PCDHGA1: variants seen among roughly 807,000 people sequenced by gnomAD.
The protein encoded by PCDHGA1 is protocadherin gamma subfamily A, 1.
PCDHGA1 carries 32 observed loss-of-function variants against 58.0 expected under a neutral mutation model. The observed-to-expected ratio is 0.55, with a 90% CI of 0.42 to 0.74. The LOEUF (loss-of-function observed/expected upper bound fraction) is 0.74. PCDHGA1 is among the 30% of genes least tolerant of loss of function. The pLI is 0.00. For missense variants in PCDHGA1, 1,205 were observed against 1,182.3 expected (o/e 1.02, Z -0.28); for synonymous variants, 498 against 501.1 (o/e 0.99, Z 0.08).
At position 141,375,343 on chromosome 5, in the gene PCDHGA1, C is replaced by T. The variant is rs114810218; in HGVS notation, c.2421+42238C>T. 5.4e-3 allele frequency: 8,654 copies of T among 1,613,832 alleles called. 30 individuals are homozygous for T. Among genetic ancestry groups the T allele is most frequent in the Non-Finnish European group, 6.4e-3 (7,546 of 1,179,894 alleles). The stretch of plus-strand genomic sequence containing the variant: ...GGGAAGAGGTATTCTTGTACAACAT[C>T]ACTGTGACAGCCACGGACAAAGGAA... On this transcript the variant is annotated intron_variant, in intron 1 of 3. Transcript: ENST00000517417.
At chr5:141,340,624 C>T (rs139317352) in intron 1 of PCDHGA1, 162 of 1,614,118 alleles carry the variant, frequency 1.0e-4, no homozygotes, top group Non-Finnish European at 1.2e-4. Context: ...TAAGCCTGTT[C>T]GTGCTGGACC....
rs1053132512 is a variant in PCDHGA1 at position 141,409,714 on chromosome 5, C to A, written c.2421+76609C>A. The A allele has an allele frequency of 3.7e-6, 6 of 1,613,108 alleles. No individual in the cohort carries two copies. The African/African-American group carries it at 8.0e-5, about 22-fold the overall frequency. On this transcript the variant is annotated intron_variant, in intron 1 of 3. Transcript: ENST00000517417. ...TAGAGCCCCTGGCGGTGTCGTCATACGTGTCAGTGAGCGCGCAGAGCGGGG... is the reference window on the plus strand; with the variant it reads ...TAGAGCCCCTGGCGGTGTCGTCATAAGTGTCAGTGAGCGCGCAGAGCGGGG...
chr5:141,482,530 C>CA (rs3074545), intron 1 of PCDHGA1, among the ~76,000 whole-genome samples: 3,839 of 76,186 alleles, frequency 0.05, 137 homozygotes, highest in East Asian at 0.1. Context: ...GACAGACATG[C>CA]AAAAAAAAAA....
chr5:141,476,070 C>T lies in PCDHGA1; in HGVS notation c.2422-18737C>T. ...CCCGCTGAAAGTTTCTCAGCGAAAT[C>T]TCAGGGACGATCTGGACCCCGCTGA... is the stretch of plus-strand genomic sequence containing the variant. On this transcript the variant is annotated intron_variant, in intron 1 of 3. Transcript: ENST00000517417. This position sits in a 1 kb window ranked among gnomAD's most constrained non-coding sequence, Gnocchi z 7.6. 6.6e-7 allele frequency: 1 copy of T among 1,522,382 alleles called. No individual in the cohort carries two copies. The highest frequency in any genetic ancestry group is 1.3e-5 in the South Asian group (1 of 77,762). 94.3% of individuals were successfully genotyped at this position (1,522,382 alleles called of 1,614,324 possible). A position where few individuals can be genotyped will look rare whatever the true frequency, so the allele number is the denominator to read the frequency against.
At chr5:141,414,926 G>T (rs2095802657) in intron 1 of PCDHGA1, 3 of 1,614,114 alleles carry the variant, frequency 1.9e-6, no homozygotes, top group Admixed American at 1.7e-5. Flanking sequence ...CTGGCGCCCC[G>T]CTCCGCAGAG....
At position 141,331,958 on chromosome 5, in the gene PCDHGA1, T is replaced by C. The variant is rs1362219232; in HGVS notation, c.1274T>C (p.Ile425Thr). ...ISGYNITITAIDQGTPALSTE... is the reference protein window; with the variant it reads ...ISGYNITITATDQGTPALSTE... ...GGGTACAACATCACAATAACAGCAA[T>C]AGACCAAGGAACTCCAGCTCTATCT... The change falls in exon 1 of 4, where the codon ATA (isoleucine) becomes ACA (threonine). Residue 425 changes from isoleucine to threonine, a missense_variant. Ile to Thr is a moderately conservative substitution (Grantham distance 89, BLOSUM62 -1). Coordinates refer to ENST00000517417, the MANE Select transcript of PCDHGA1 (RefSeq NM_018912.3). 9 of 1,614,086 alleles carry C rather than the reference T, an allele frequency of 5.6e-6. No individual in the cohort carries two copies. Among genetic ancestry groups the C allele is most frequent in the Non-Finnish European group, 7.6e-6 (9 of 1,180,026 alleles).
chr5:141,414,181 A>G, intron 1 of PCDHGA1: 2 of 1,609,294 alleles, frequency 1.2e-6, no homozygotes, highest in South Asian at 1.1e-5. Context: ...TGCAACTGCA[A>G]AAGTGTTGAT....
intron 1 of PCDHGA1, chr5:141,384,916 G>T (rs1215010105): frequency 1.2e-6 from 2 of 1,613,886 alleles, no homozygotes; most frequent in Non-Finnish European, 1.7e-6. Flanking sequence ...CGAAGTCTTG[G>T]CCGACCTGGG....
intron 1 of PCDHGA1, among the ~76,000 whole-genome samples, chr5:141,482,144 G>C (rs564178008): frequency 1.3e-4 from 20 of 151,858 alleles, no homozygotes; most frequent in Admixed American, 9.8e-4. Flanking sequence ...GGCATAAAAA[G>C]GTCAAGTCAA....
At chr5:141,417,117 C>A (rs1199474234) in intron 1 of PCDHGA1, 3 of 151,748 alleles carry the variant, frequency 2.0e-5, no homozygotes, top group Non-Finnish European at 4.4e-5. Context: ...TACAGGACAC[C>A]CTGGATGATG....
intron 2 of PCDHGA1, among the ~76,000 whole-genome samples, chr5:141,503,010 A>T (rs1595838084): frequency 6.8e-6 from 1 of 146,772 alleles, no homozygotes; most frequent in East Asian, 2.0e-4. Context: ...TGCCCGGTTA[A>T]TTTTTTTTTT....
intron 1 of PCDHGA1, chr5:141,346,086 A>G (rs770572086): frequency 1.9e-6 from 3 of 1,613,218 alleles, no homozygotes; most frequent in South Asian, 2.2e-5. Context: ...CGCCAAACCC[A>G]ACGATTCGGA....
At chr5:141,361,650 G>T in intron 1 of PCDHGA1, 1 of 1,613,772 alleles carries the variant, frequency 6.2e-7, no homozygotes, top group Non-Finnish European at 8.5e-7. Context: ...TATCCTACGT[G>T]TCCGTGAGCG....
intron 1 of PCDHGA1, chr5:141,422,945 C>T (rs13188215): frequency 6.2e-7 from 1 of 1,614,134 alleles, no homozygotes; most frequent in Non-Finnish European, 8.5e-7. Context: ...ACAGACGGCT[C>T]CACTGGCGTG....
At chr5:141,420,245 G>A (rs72790042) in intron 1 of PCDHGA1, 83,459 of 1,583,130 alleles carry the variant, frequency 0.053, 2,452 homozygotes, top group African/African-American at 0.1. Context: ...AACTCCCAGC[G>A]TTGAAGCAGA....
Position 141,491,944 on chromosome 5 carries a change from C to A in PCDHGA1, c.2422-2863C>A. On this transcript the variant is annotated intron_variant, in intron 1 of 3. Transcript: ENST00000517417. This position sits in a 1 kb window ranked among gnomAD's most constrained non-coding sequence, Gnocchi z 6.9. ...CGAGGGGAGGTGGGACCGACCCCCA[C>A]CCCTACACTCAAAAAAGGCCGGGGC... 2 of 1,120,270 alleles carry A rather than the reference C, an allele frequency of 1.8e-6. No individual in the cohort carries two copies. Among genetic ancestry groups the A allele is most frequent in the Non-Finnish European group, 2.4e-6 (2 of 822,060 alleles). The allele number at this position is 1,120,270 out of a possible 1,614,324, so 69.4% of individuals were successfully genotyped here.
chr5:141,428,169 G>A (rs758370904), intron 1 of PCDHGA1: 1 of 1,540,076 alleles, frequency 6.5e-7, no homozygotes, highest in Non-Finnish European at 8.9e-7. Flanking sequence ...GTTGCTGTGC[G>A]TGACGGAGGA....
chr5:141,443,223 A>G (rs2098374731), intron 1 of PCDHGA1, among the ~76,000 whole-genome samples: 1 of 152,044 alleles, frequency 6.6e-6, no homozygotes, highest in African/African-American at 2.4e-5. Flanking sequence ...AGGCGCATCT[A>G]TAATCTTAGC....
chr5:141,406,415 GC>G (rs2094806009), intron 1 of PCDHGA1, among the ~76,000 whole-genome samples: 1 of 152,164 alleles, frequency 6.6e-6, no homozygotes, highest in Non-Finnish European at 1.5e-5. Flanking sequence ...ACAGCTGAAA[GC>G]CCAGATTTAT....
Sources: allele counts gnomAD v4.1 joint callset (sites outside exome capture counted in the v4.1 genomes callset), GRCh38; gene constraint gnomAD v4.1.1; non-coding constraint Gnocchi (gnomAD v3.1); transcripts MANE v1.5; gene names NCBI Gene and HGNC (gene_info 2026-07-23, HGNC 2026-07-21).